The following ROR1 variants were observed in gnomAD, a reference collection of about 807,000 sequenced individuals.
ROR1 encodes inactive tyrosine-protein kinase transmembrane receptor ROR1.
A neutral mutation model predicts 78.8 loss-of-function variants in ROR1; 19 were observed. That is an observed-to-expected ratio of 0.24 (90% CI 0.17 to 0.35). The LOEUF is 0.35. Ranked by LOEUF, ROR1 falls within the 10% of genes least tolerant of loss-of-function variation. ROR1 has a pLI of 1.00. For synonymous variants in ROR1, 386 were observed against 433.6 expected, an observed-to-expected ratio of 0.89 and a Z score of 1.36; for missense variants, 917 against 1,177.8, an observed-to-expected ratio of 0.78 and a Z score of 3.24.
intron 4 of ROR1, among the ~76,000 whole-genome samples, chr1:64,113,430 A>G (rs780884780): frequency 1.3e-5 from 2 of 152,210 alleles, no homozygotes; most frequent in Non-Finnish European, 2.9e-5. Context: ...CCGTTGAGTC[A>G]TTAGCCCCAT....
chr1:64,170,209 C>A (rs1001536795), intron 8 of ROR1, among the ~76,000 whole-genome samples: 2 of 152,232 alleles, frequency 1.3e-5, no homozygotes, highest in Non-Finnish European at 2.9e-5. Flanking sequence ...GAGGGCCTCA[C>A]CCCTGCAGCA....
intron 1 of ROR1, among the ~76,000 whole-genome samples, chr1:63,960,525 T>C (rs893446481): frequency 1.3e-5 from 2 of 152,196 alleles, no homozygotes; most frequent in Non-Finnish European, 2.9e-5. Flanking sequence ...CTAATCCTGT[T>C]TGAATCCTGG....
In ROR1 at chr1:63,951,382, A is replaced by G. The variant is rs78722195; in HGVS notation, c.92-57923A>G. 7.3e-3 allele frequency among the ~76,000 whole-genome samples: 1,110 copies of G among 152,320 alleles called. 66 individuals carry two copies. In the East Asian group the frequency reaches 0.17, roughly 23 times the overall value. On this transcript the variant is annotated intron_variant, in intron 1 of 8. Transcript: ENST00000371079. ...GCTGACGTTCTTGTGGTAAAGACAG[A>G]TAATAAGCAACTAAATGAAATACTA...
intron 1 of ROR1, among the ~76,000 whole-genome samples, chr1:63,864,010 G>T (rs1374114219): frequency 2.6e-5 from 4 of 151,956 alleles, no homozygotes; most frequent in African/African-American, 7.3e-5. Flanking sequence ...TAGCATAATA[G>T]CAGCTAGCAT....
At chr1:64,056,851 T>G (rs1646879770) in intron 4 of ROR1, among the ~76,000 whole-genome samples, 1 of 152,228 alleles carries the variant, frequency 6.6e-6, no homozygotes, top group Non-Finnish European at 1.5e-5. Context: ...TTTACCCATT[T>G]TTTAAATTGA....
In ROR1 at chr1:64,049,675, C is replaced by T. The variant is rs1464779655; in HGVS notation, c.164-16C>T. The T allele has an allele frequency of 6.2e-7, 1 of 1,607,874 alleles. No homozygotes were observed. Among genetic ancestry groups the T allele is most frequent in the Non-Finnish European group, 8.5e-7 (1 of 1,175,832 alleles). On this transcript the variant is annotated splice_polypyrimidine_tract_variant and intron_variant, in intron 2 of 8. Coordinates refer to ENST00000371079, the MANE Select transcript of ROR1 (RefSeq NM_005012.4). ...GCTGTCTGCCCCTCTCACCTGCCTC[C>T]TCTCTGTGCTCACAGATTCTTACCT...
At chr1:64,104,512 C>A (rs1647708867) in intron 4 of ROR1, among the ~76,000 whole-genome samples, 4 of 151,578 alleles carry the variant, frequency 2.6e-5, no homozygotes, top group Non-Finnish European at 2.9e-5. Flanking sequence ...ACTTTAAGTT[C>A]CGGGATACAT....
At chr1:63,848,844 A>G (rs1645097266) in intron 1 of ROR1, among the ~76,000 whole-genome samples, 1 of 152,192 alleles carries the variant, frequency 6.6e-6, no homozygotes, top group African/African-American at 2.4e-5. Context: ...ACAAACCTAC[A>G]TTTGTGAAGA....
At chr1:63,843,322 C>A in intron 1 of ROR1, 1 of 1,170,074 alleles carries the variant, frequency 8.5e-7, no homozygotes, top group Non-Finnish European at 1.3e-6. Context: ...TTCTTGACGG[C>A]GTCCTTGGAG....
intron 4 of ROR1, among the ~76,000 whole-genome samples, chr1:64,062,029 C>G (rs970533344): frequency 6.6e-6 from 1 of 152,172 alleles, no homozygotes; most frequent in Admixed American, 6.5e-5. Flanking sequence ...ACAGGGAACT[C>G]TCACCTGGAA....
At chr1:64,105,544 G>A (rs1647763260) in intron 4 of ROR1, 1 of 152,142 alleles carries the variant, frequency 6.6e-6, no homozygotes, top group African/African-American at 2.4e-5. Context: ...CCTATGTCCT[G>A]AATGGTATTG....
In ROR1 at chr1:64,178,583, T is replaced by C. The variant is rs933094559; in HGVS notation, c.2542T>C (p.Cys848Arg). 2 of 1,614,070 alleles carry C rather than the reference T, an allele frequency of 1.2e-6. No individual in the cohort carries two copies. The highest frequency in any genetic ancestry group is 3.3e-5 in the Admixed American group (2 of 60,002). Residue 848 changes from cysteine (C) to arginine (R), a missense_variant, in exon 9 of 9, where the codon TGC (cysteine) becomes CGC (arginine). This residue lies in a region of ROR1 where 835 missense variants were observed against 1,069.8 expected (regional missense o/e 0.78). Transcript: ENST00000371079. The surrounding 1 kb of genome is among the most constrained non-coding windows in gnomAD (Gnocchi z 4.3). Reference sequence around the variant, plus strand: ...AGGTCCTCCCAGAGTGATTCAGCACTGCCCACCTCCCAAGAGTCGGTCCCC... The same window carrying C: ...AGGTCCTCCCAGAGTGATTCAGCACCGCCCACCTCCCAAGAGTCGGTCCCC... ...PTGPPRVIQH[C>R]PPPKSRSPSS...
intron 1 of ROR1, among the ~76,000 whole-genome samples, chr1:63,791,206 C>T (rs1255150256): frequency 6.6e-6 from 1 of 151,988 alleles, no homozygotes; most frequent in Non-Finnish European, 1.5e-5. Context: ...CAAAGTCTGG[C>T]CTTGTGGGCA....
At chr1:64,124,569 A>T (rs1367389353) in intron 4 of ROR1, among the ~76,000 whole-genome samples, 2 of 152,160 alleles carry the variant, frequency 1.3e-5, no homozygotes, top group Non-Finnish European at 2.9e-5. Context: ...GACCAAACTG[A>T]GCAAGAAGTG....
chr1:63,846,481 G>T (rs631029), intron 1 of ROR1, among the ~76,000 whole-genome samples: 1 of 150,834 alleles, frequency 6.6e-6, no homozygotes, highest in South Asian at 2.1e-4. Flanking sequence ...GAAGATTTCC[G>T]TGTTGGCAAG....
chr1:64,137,548 G>C, intron 5 of ROR1, 52 bp downstream of exon 5: 1 of 1,571,590 alleles, frequency 6.4e-7, no homozygotes, highest in Non-Finnish European at 8.7e-7. Context: ...TATTTTTCTC[G>C]CCAAAAGTTT....
intron 1 of ROR1, among the ~76,000 whole-genome samples, chr1:63,949,982 C>T (rs549474931): frequency 1.3e-5 from 2 of 152,070 alleles, no homozygotes; most frequent in African/African-American, 4.8e-5. Flanking sequence ...CTTGAAGATT[C>T]CTTTCTCATC....
At chr1:63,935,023 ATTT>A (rs11376470) in intron 1 of ROR1, among the ~76,000 whole-genome samples, 2 of 140,240 alleles carry the variant, frequency 1.4e-5, no homozygotes, top group Non-Finnish European at 1.5e-5. Flanking sequence ...ATTTGGGAGA[ATTT>A]TTTTTTTTTT....
intron 1 of ROR1, among the ~76,000 whole-genome samples, chr1:63,801,658 C>T (rs1331171572): frequency 6.6e-6 from 1 of 152,130 alleles, no homozygotes; most frequent in African/African-American, 2.4e-5. Context: ...ATTTCTTCCT[C>T]CCATTTATTC....
Sources: allele counts gnomAD v4.1 joint callset (sites outside exome capture counted in the v4.1 genomes callset), GRCh38; gene constraint gnomAD v4.1.1; regional missense constraint gnomAD v4.1.1; non-coding constraint Gnocchi (gnomAD v3.1); transcripts MANE v1.5; gene names NCBI Gene and HGNC (gene_info 2026-07-23, HGNC 2026-07-21).